The following PPAN variants were observed in gnomAD, a reference collection of about 807,000 sequenced individuals.
The protein encoded by PPAN is peter pan homolog.
PPAN carries 39 observed loss-of-function variants against 48.5 expected under a neutral mutation model. The ratio of observed to expected loss-of-function variants is 0.80; its 90% CI spans 0.62 to 1.05. The LOEUF is 1.05. Ranked by LOEUF, PPAN falls within the 50% of genes least tolerant of loss-of-function variation. The pLI, the probability that PPAN is intolerant of heterozygous loss-of-function variation, is 0.00. For synonymous variants in PPAN, 315 were observed against 268.6 expected (o/e 1.17, Z -1.69); for missense variants, 736 against 661.7 (o/e 1.11, Z -1.23).
chr19:10,111,112 C>T lies in PPAN; in HGVS notation c.1369C>T (p.Arg457Trp), dbSNP rs772175559. The T allele has an allele frequency of 1.3e-5, 21 of 1,611,588 alleles. No individual in the cohort carries two copies. The East Asian group carries it at 1.3e-4, about 10-fold the overall frequency. ...QARRGPRGAS[R>W]DGGRGRGRGR... is the part of the protein sequence containing the mutation. ...CAGGCGGGGGCCCAGAGGGGCTTCCCGGGATGGTGGGCGAGGCCGGGGCCG... is the reference window on the plus strand; with the variant it reads ...CAGGCGGGGGCCCAGAGGGGCTTCCTGGGATGGTGGGCGAGGCCGGGGCCG... Residue 457 changes from arginine (R) to tryptophan (W), a missense_variant, in exon 12 of 12, where the codon CGG (arginine) becomes TGG (tryptophan). Transcript: ENST00000253107.
At position 10,110,983 on chromosome 19, in the gene PPAN, TC is replaced by T. The variant is rs750603122; in HGVS notation, c.1241del (p.Ser414PhefsTer99). 3 of 1,612,824 alleles carry T rather than the reference TC, an allele frequency of 1.9e-6. No homozygotes were observed. Among genetic ancestry groups the T allele is most frequent in the Non-Finnish European group, 2.5e-6 (3 of 1,179,884 alleles). ...PEAKQKRLAK[S>X]PGRKRKRWEM... ...GGCCAAGCAGAAACGGCTTGCCAAG[TC>T]TCCAGGGCGGAAGCGGAAGCGGTGG... On this transcript the variant is annotated frameshift_variant, in exon 12 of 12. Transcript: ENST00000253107. LOFTEE classifies it low-confidence loss of function (END_TRUNC). This position sits in a 1 kb window ranked among gnomAD's most constrained non-coding sequence, Gnocchi z 5.9.
chr19:10,109,637 C>T lies in PPAN; in HGVS notation c.520C>T (p.Leu174=), dbSNP rs931123441. 1 of 1,613,340 alleles carries T rather than the reference C, an allele frequency of 6.2e-7. No homozygotes were observed. Among genetic ancestry groups the T allele is most frequent in the Middle Eastern group, 1.6e-4 (1 of 6,072 alleles). The change falls in exon 6 of 12, where the codon CTG becomes TTG. Residue 174 remains leucine, a synonymous_variant. Transcript: ENST00000253107. ...FPSINVHKVN[L]NTIKRCLLID... ...TCTCTTCCTCCCCTTCCAGGTGAAC[C>T]TGAACACCATCAAGCGCTGCCTCCT...
At chr19:10,106,897 G>A in intron 2 of PPAN, 1 of 743,168 alleles carries the variant, frequency 1.3e-6, no homozygotes, top group Non-Finnish European at 2.2e-6. Context: ...GTTAAGACTG[G>A]AATCTGGAGC....
chr19:10,106,942 T>C (rs2088852428), intron 2 of PPAN: 1 of 642,298 alleles, frequency 1.6e-6, no homozygotes. Flanking sequence ...TTCCCAGCAT[T>C]TGGGGATGCT....
rs1314046492 is a variant in PPAN at position 10,111,747 on chromosome 19, A to G, written c.*582A>G. Reference sequence around the variant, plus strand: ...ATGGCAGCCAACGTCTCGGGTAAGGAGAAGGCATGTTGGCTGTCTCTGGGG... The same window carrying G: ...ATGGCAGCCAACGTCTCGGGTAAGGGGAAGGCATGTTGGCTGTCTCTGGGG... On this transcript the variant is annotated 3_prime_UTR_variant, in exon 12 of 12. Coordinates refer to ENST00000253107, the MANE Select transcript of PPAN (RefSeq NM_020230.7). 4.3e-6 allele frequency: 7 copies of G among 1,613,324 alleles called. No homozygotes were observed. The highest frequency in any genetic ancestry group is 5.9e-6 in the Non-Finnish European group (7 of 1,179,718).
At chr19:10,109,735 A>G (rs2088976552) in intron 6 of PPAN, 28 bp downstream of exon 6, 4 of 1,609,534 alleles carry the variant, frequency 2.5e-6, no homozygotes, top group Non-Finnish European at 1.7e-6. Flanking sequence ...ATGGGAGACG[A>G]GGGGGTGCCG....
intron 3 of PPAN, 93 bp from the exon 4 acceptor site, chr19:10,107,711 T>C (rs2088882824): frequency 1.2e-6 from 2 of 1,607,032 alleles, no homozygotes; most frequent in Non-Finnish European, 1.7e-6. Flanking sequence ...GGCTTCAAAG[T>C]AAACGCTCTG....
In PPAN at chr19:10,109,929, C is replaced by G; in HGVS notation, c.607C>G (p.Pro203Ala). 1 of 1,614,066 alleles carries G rather than the reference C, an allele frequency of 6.2e-7. No individual in the cohort carries two copies. The highest frequency in any genetic ancestry group is 8.5e-7 in the Non-Finnish European group (1 of 1,179,938). The change falls in exon 7 of 12, where the codon CCT becomes GCT. Residue 203 changes from proline (P) to alanine (A), a missense_variant. Transcript: ENST00000253107. ...TTCCTGCAGTAGCATCAAAGTTGTT[C>G]CTGTGGGCGCGAGTCGCGGGATGAA... ...DFRHYSIKVVPVGASRGMKKL... is the reference protein window; with the variant it reads ...DFRHYSIKVVAVGASRGMKKL...
intron 1 of PPAN, 32 bp from the exon 2 acceptor site, chr19:10,106,469 C>A (rs750728403): frequency 5.2e-5 from 80 of 1,547,152 alleles, no homozygotes; most frequent in Non-Finnish European, 6.6e-5. Context: ...GCCGAGGTCG[C>A]GGCGCTGACC....
In PPAN at chr19:10,111,998, TA is replaced by T; in HGVS notation, c.*834del. 1 of 444,594 alleles carries T rather than the reference TA, an allele frequency of 2.2e-6. No homozygotes were observed. 27.5% of individuals were successfully genotyped at this position (444,594 alleles called of 1,614,324 possible). On this transcript the variant is annotated 3_prime_UTR_variant, in exon 12 of 12. Coordinates refer to ENST00000253107, the MANE Select transcript of PPAN (RefSeq NM_020230.7). Reference sequence around the variant, plus strand: ...GGTGGCACATGCCTGTAATCCCAGCTACTCGGGAGGCTGAGACAAGAGAATC... The same window carrying T: ...GGTGGCACATGCCTGTAATCCCAGCTCTCGGGAGGCTGAGACAAGAGAATC...
Position 10,106,368 on chromosome 19 carries a change from A to G in PPAN, c.-27A>G, listed in dbSNP as rs758614227. 8 of 1,549,126 alleles carry G rather than the reference A, an allele frequency of 5.2e-6. No homozygotes were observed. The South Asian group carries it at 9.5e-5, about 18-fold the overall frequency. The stretch of plus-strand genomic sequence containing the variant: ...GCGCAGCGCCGGAAGCGGCGGACGC[A>G]GGAGGCCTCGTGGAGGACACAGCAG... On this transcript the variant is annotated 5_prime_UTR_variant, in exon 1 of 12. Transcript: ENST00000253107.
At position 10,110,645 on chromosome 19, in the gene PPAN, A is replaced by AG. The variant is rs564974198; in HGVS notation, c.1031+38dup. On this transcript the variant is annotated intron_variant, in intron 10 of 11. Transcript: ENST00000253107. The surrounding 1 kb of genome is among the most constrained non-coding windows in gnomAD (Gnocchi z 5.9). ...GGCAGAGCTGGGAAGGGCAGGGCCA[A>AG]GGGGGGGTCCCTGGGATGGGCGGCT... is the stretch of plus-strand genomic sequence containing the variant. The AG allele has an allele frequency of 7.0e-5, 112 of 1,610,506 alleles. 1 individual carries two copies. Among genetic ancestry groups the AG allele is most frequent in the East Asian group, 3.1e-4 (14 of 44,810 alleles).
Position 10,110,962 on chromosome 19 carries a change from A to T in PPAN, c.1219A>T (p.Lys407Ter), listed in dbSNP as rs769950614. The T allele has an allele frequency of 3.7e-6, 6 of 1,613,362 alleles. No individual in the cohort carries two copies. In the Middle Eastern group the frequency reaches 9.9e-4, roughly 266 times the overall value. Residue 407 changes from lysine (K) to a stop codon, truncating the protein, a stop_gained, in exon 12 of 12, where the codon AAG becomes TAG. Coordinates refer to ENST00000253107, the MANE Select transcript of PPAN (RefSeq NM_020230.7). LOFTEE classifies it low-confidence loss of function (END_TRUNC). This position sits in a 1 kb window ranked among gnomAD's most constrained non-coding sequence, Gnocchi z 5.9. ...APSEDLFPEA[K>*]QKRLAKSPGR... The stretch of plus-strand genomic sequence containing the variant: ...CCCCACAGACCTGTTCCCCGAGGCC[A>T]AGCAGAAACGGCTTGCCAAGTCTCC...
chr19:10,106,375 C>G lies in PPAN; in HGVS notation c.-20C>G, dbSNP rs1305689138. ...GCCGGAAGCGGCGGACGCAGGAGGC[C>G]TCGTGGAGGACACAGCAGCATGGGA... On this transcript the variant is annotated 5_prime_UTR_variant, in exon 1 of 12. Coordinates refer to ENST00000253107, the MANE Select transcript of PPAN (RefSeq NM_020230.7). 1.3e-6 allele frequency: 2 copies of G among 1,549,332 alleles called. No individual in the cohort carries two copies. The highest frequency in any genetic ancestry group is 8.7e-7 in the Non-Finnish European group (1 of 1,145,912).
At chr19:10,109,826 C>G in intron 6 of PPAN, 87 bp from the exon 7 acceptor site, 1 of 1,593,268 alleles carries the variant, frequency 6.3e-7, no homozygotes, top group Non-Finnish European at 8.6e-7. Context: ...AACGCCCTGA[C>G]GCACTGTGGG....
chr19:10,111,535 C>T lies in PPAN; in HGVS notation c.*370C>T. 1.4e-6 allele frequency: 1 copy of T among 702,278 alleles called. No homozygotes were observed. Among genetic ancestry groups the T allele is most frequent in the South Asian group, 1.7e-5 (1 of 57,470 alleles). The allele number at this position is 702,278 out of a possible 1,614,324, so 43.5% of individuals were successfully genotyped here. ...ACAGGTCACACTTTCAGCAGATGAG[C>T]TTGAACCTCAGGAGGGTTGTGGCAC... is the stretch of plus-strand genomic sequence containing the variant. On this transcript the variant is annotated 3_prime_UTR_variant, in exon 12 of 12. Transcript: ENST00000253107.
upstream of PPAN, chr19:10,106,306 C>A: frequency 1.3e-6 from 2 of 1,540,248 alleles, no homozygotes; most frequent in Non-Finnish European, 8.8e-7. Context: ...TGATGTCGTC[C>A]CACGCCGTGC....
rs1176393792 is a variant in PPAN at position 10,110,646 on chromosome 19, G to A, written c.1031+32G>A. On this transcript the variant is annotated intron_variant, in intron 10 of 11. Transcript: ENST00000253107. This position sits in a 1 kb window ranked among gnomAD's most constrained non-coding sequence, Gnocchi z 5.9. ...GCAGAGCTGGGAAGGGCAGGGCCAA[G>A]GGGGGGTCCCTGGGATGGGCGGCTA... 6.2e-7 allele frequency: 1 copy of A among 1,609,912 alleles called. No individual in the cohort carries two copies.
In PPAN at chr19:10,111,161, C is replaced by G; in HGVS notation, c.1418C>G (p.Ala473Gly). 2 of 1,582,918 alleles carry G rather than the reference C, an allele frequency of 1.3e-6. No individual in the cohort carries two copies. The highest frequency in any genetic ancestry group is 1.7e-6 in the Non-Finnish European group (2 of 1,166,738). The change falls in exon 12 of 12, where the codon GCC becomes GGC. Residue 473 changes from alanine (A) to glycine (G), a missense_variant. Physicochemically the swap from Ala to Gly is moderately conservative, Grantham distance 60 (BLOSUM62 0). Transcript: ENST00000253107. ...RGRGRPGKRV[A>G] ...CGGGGCCGCCCAGGGAAGAGAGTGG[C>G]CTGAGCCCAAGCCGCACCGGAGCAG...
Sources: gnomAD v4.1 joint callset for allele counts on GRCh38, gnomAD v4.1.1 for gene constraint, Gnocchi (gnomAD v3.1) non-coding constraint, MANE v1.5 for transcripts, NCBI Gene and HGNC (gene_info 2026-07-23, HGNC 2026-07-21) for gene names.